Variants in PDE10A observed in about 807,000 individuals in gnomAD.
PDE10A encodes phosphodiesterase 10A, also known as cAMP and cAMP-inhibited cGMP 3',5'-cyclic phosphodiesterase 10A.
In PDE10A, 39 loss-of-function variants were observed where a neutral mutation model predicts 97.7. The ratio of observed to expected loss-of-function variants is 0.40; its 90% CI spans 0.31 to 0.52. The LOEUF (loss-of-function observed/expected upper bound fraction) is 0.52. Ranked by LOEUF, PDE10A falls within the 20% of genes least tolerant of loss-of-function variation. The pLI is 0.56. For missense variants in PDE10A, 731 were observed against 1,047.8 expected, an observed-to-expected ratio of 0.70 and a Z score of 4.17; for synonymous variants, 371 against 376.8, an observed-to-expected ratio of 0.98 and a Z score of 0.18.
chr6:165,858,676 T>A (rs1387608533), intron 1 of PDE10A, among the ~76,000 whole-genome samples: 1 of 152,226 alleles, frequency 6.6e-6, no homozygotes, highest in Non-Finnish European at 1.5e-5. Context: ...CATTCTCAGC[T>A]GATTTTTTGA....
At chr6:165,561,904 G>A (rs1784542218) in intron 1 of PDE10A, among the ~76,000 whole-genome samples, 1 of 152,186 alleles carries the variant, frequency 6.6e-6, no homozygotes, top group Non-Finnish European at 1.5e-5. Flanking sequence ...TTGCCAAATT[G>A]TAACCATTAT....
intron 13 of PDE10A, among the ~76,000 whole-genome samples, chr6:165,411,716 GTTATGAGACA>G (rs1049744502): frequency 4.6e-5 from 7 of 152,200 alleles, no homozygotes; most frequent in Non-Finnish European, 8.8e-5. Flanking sequence ...TCATTTAGGA[GTTATGAGACA>G]TTACATCTGA....
chr6:165,458,740 T>C lies in PDE10A; in HGVS notation c.1024-8378A>G, dbSNP rs183863649. On this transcript the variant is annotated intron_variant, in intron 3 of 21. Coordinates refer to ENST00000539869, the MANE Select transcript of PDE10A (RefSeq NM_001385079.1). ...TTTTAATATTTTAAGAGCAAGTTGGTGTGCCCCTTTATTCCTAGACACTTC... is the reference window on the plus strand; with the variant it reads ...TTTTAATATTTTAAGAGCAAGTTGGCGTGCCCCTTTATTCCTAGACACTTC... Among the ~76,000 whole-genome samples the C allele has an allele frequency of 2.9e-3, 445 of 152,296 alleles. 1 individual carries two copies. Among genetic ancestry groups the C allele is most frequent in the Non-Finnish European group, 4.3e-3 (291 of 68,036 alleles).
chr6:165,836,373 C>A (rs11758390), intron 1 of PDE10A, among the ~76,000 whole-genome samples: 173 of 152,334 alleles, frequency 1.1e-3, no homozygotes, highest in Non-Finnish European at 2.1e-3. Context: ...CGGCGCACGT[C>A]GGCACAGCCC....
intron 1 of PDE10A, among the ~76,000 whole-genome samples, chr6:165,606,046 G>A (rs975056193): frequency 6.6e-6 from 1 of 152,034 alleles, no homozygotes; most frequent in South Asian, 2.1e-4. Context: ...CGCAGCAGGT[G>A]CGTGGGGATG....
intron 1 of PDE10A, among the ~76,000 whole-genome samples, chr6:165,812,743 C>T (rs1371811518): frequency 2.0e-5 from 3 of 152,136 alleles, no homozygotes; most frequent in African/African-American, 4.8e-5. Flanking sequence ...TTATTGATCA[C>T]CTAGAGATTC....
chr6:165,418,801 A>T lies in PDE10A; in HGVS notation c.1654-24T>A, dbSNP rs781546438. On this transcript the variant is annotated intron_variant, in intron 10 of 21. Coordinates refer to ENST00000539869, the MANE Select transcript of PDE10A (RefSeq NM_001385079.1). The surrounding 1 kb of genome is among the most constrained non-coding windows in gnomAD (Gnocchi z 4.8). ...ATCTAAAGACAAATGACAAAATAAG[A>T]GGAAGACAATGAGACATTCAAAGAA... 1 of 1,603,602 alleles carries T rather than the reference A, an allele frequency of 6.2e-7. No individual in the cohort carries two copies. Among genetic ancestry groups the T allele is most frequent in the Admixed American group, 1.7e-5 (1 of 59,506 alleles).
At chr6:165,706,827 C>T (rs1167394006) in intron 1 of PDE10A, among the ~76,000 whole-genome samples, 10 of 152,068 alleles carry the variant, frequency 6.6e-5, no homozygotes, top group Non-Finnish European at 7.4e-5. Flanking sequence ...CAAAGAAAAG[C>T]GGATTTTTCA....
chr6:165,668,716 G>C (rs1165586597), intron 1 of PDE10A, among the ~76,000 whole-genome samples: 4 of 145,712 alleles, frequency 2.7e-5, no homozygotes, highest in Admixed American at 7.1e-5. Flanking sequence ...AGAAAAGAAA[G>C]AAAGAGAGAG....
chr6:165,897,050 TGA>T (rs1429084770), intron 1 of PDE10A, among the ~76,000 whole-genome samples: 20 of 152,304 alleles, frequency 1.3e-4, no homozygotes, highest in Non-Finnish European at 2.6e-4. Context: ...ATGGCCATCT[TGA>T]GGCACTCAAC....
intron 1 of PDE10A, among the ~76,000 whole-genome samples, chr6:165,930,704 A>G (rs1039866814): frequency 3.0e-4 from 46 of 152,366 alleles, no homozygotes; most frequent in African/African-American, 1.0e-3. Flanking sequence ...ACAGATTCCT[A>G]TTCTTCCATA....
chr6:165,343,516 A>G lies in PDE10A; in HGVS notation c.2784-14T>C, dbSNP rs754832828. 3 of 1,550,852 alleles carry G rather than the reference A, an allele frequency of 1.9e-6. No individual in the cohort carries two copies. The highest frequency in any genetic ancestry group is 2.7e-6 in the Non-Finnish European group (3 of 1,122,382). ...ATTACACGGTCTCTAGAACACAACA[A>G]TATAAGACTGGTCAGCATAGCATTT... is the stretch of plus-strand genomic sequence containing the variant. On this transcript the variant is annotated splice_polypyrimidine_tract_variant and intron_variant, in intron 18 of 21. Transcript: ENST00000539869.
At chr6:165,413,410 T>TTA in intron 13 of PDE10A, 91 bp downstream of exon 13, 1 of 718,790 alleles carries the variant, frequency 1.4e-6, no homozygotes, top group Non-Finnish European at 2.1e-6. Context: ...GAAATATAAA[T>TTA]GAAAAAAAAA....
rs867011872 is a variant in PDE10A at position 165,374,136 on chromosome 6, C to T, written c.2783+5058G>A. Reference sequence around the variant, plus strand: ...AGGAGATATACCTAATGCTAAATGACGAATTAATGGGTGCAGCACACCAGC... The same window carrying T: ...AGGAGATATACCTAATGCTAAATGATGAATTAATGGGTGCAGCACACCAGC... On this transcript the variant is annotated intron_variant, in intron 18 of 21. Coordinates refer to ENST00000539869, the MANE Select transcript of PDE10A (RefSeq NM_001385079.1). Among the ~76,000 whole-genome samples, 35 of 148,528 alleles carry T rather than the reference C, an allele frequency of 2.4e-4. No homozygotes were observed. In the South Asian group the frequency reaches 3.7e-3, roughly 16 times the overall value.
intron 3 of PDE10A, among the ~76,000 whole-genome samples, chr6:165,480,299 C>T (rs1779530208): frequency 6.6e-6 from 1 of 152,150 alleles, no homozygotes; most frequent in Non-Finnish European, 1.5e-5. Context: ...ATAATTAGAA[C>T]TGCCTAGGCT....
intron 1 of PDE10A, among the ~76,000 whole-genome samples, chr6:165,850,970 C>T (rs996642185): frequency 6.6e-6 from 1 of 152,128 alleles, no homozygotes; most frequent in African/African-American, 2.4e-5. Flanking sequence ...ACTGGAGTTT[C>T]GATCAGACAG....
intron 1 of PDE10A, chr6:165,781,870 C>T (rs888347555): frequency 5.9e-5 from 9 of 152,152 alleles, no homozygotes; most frequent in South Asian, 2.1e-4. Flanking sequence ...CCAGCCCTGC[C>T]GATACCTCGA....
At chr6:165,718,360 A>C (rs1358132721) in intron 1 of PDE10A, 1 of 152,252 alleles carries the variant, frequency 6.6e-6, no homozygotes, top group Non-Finnish European at 1.5e-5. Context: ...TCTTGAAAAA[A>C]TACATTATCA....
intron 1 of PDE10A, among the ~76,000 whole-genome samples, chr6:165,748,509 G>A (rs776237485): frequency 9.2e-5 from 14 of 152,246 alleles, no homozygotes; most frequent in African/African-American, 1.9e-4. Flanking sequence ...TCCTGCCAAC[G>A]TACTTCAGAA....
Sources: gnomAD v4.1 joint callset for allele counts (sites outside exome capture counted in the v4.1 genomes callset) on GRCh38, gnomAD v4.1.1 for gene constraint, Gnocchi (gnomAD v3.1) non-coding constraint, MANE v1.5 for transcripts, NCBI Gene and HGNC (gene_info 2026-07-23, HGNC 2026-07-21) for gene names.